The following TRPM3 variants were observed in gnomAD, a reference collection of about 807,000 sequenced individuals.
The protein encoded by TRPM3 is transient receptor potential cation channel subfamily M member 3.
In TRPM3, 77 loss-of-function variants were observed where a neutral mutation model predicts 181.2. The ratio of observed to expected loss-of-function variants is 0.42; its 90% CI spans 0.35 to 0.51. TRPM3 has a LOEUF of 0.51. TRPM3 is among the 20% of genes least tolerant of loss of function. The probability of loss-of-function intolerance (pLI) is 0.01; values close to 1 mark genes in which losing one functional copy is unlikely to be tolerated. For synonymous variants in TRPM3, 745 were observed against 796.4 expected, an observed-to-expected ratio of 0.94 and a Z score of 1.09; for missense variants, 1,759 against 2,196.7, an observed-to-expected ratio of 0.80 and a Z score of 3.98.
chr9:70,878,390 T>G (rs2095912208), intron 1 of TRPM3, among the ~76,000 whole-genome samples: 1 of 152,022 alleles, frequency 6.6e-6, no homozygotes, highest in Non-Finnish European at 1.5e-5. Context: ...AGAGCTGTAC[T>G]TACTTATTTT....
At chr9:71,347,005 G>T (rs1013687051) in intron 1 of TRPM3, among the ~76,000 whole-genome samples, 10 of 152,170 alleles carry the variant, frequency 6.6e-5, no homozygotes, top group African/African-American at 2.4e-4. Flanking sequence ...TAGGAAATCT[G>T]GTTATTAAAC....
At chr9:70,762,130 A>C (rs2135301799) in intron 7 of TRPM3, among the ~76,000 whole-genome samples, 1 of 152,290 alleles carries the variant, frequency 6.6e-6, no homozygotes, top group South Asian at 2.1e-4. Context: ...GGAGATTTAA[A>C]TTGCAGCGTC....
chr9:71,286,934 A>ATATATAATTTATTTTTTATATAAAT (rs371437300), intron 1 of TRPM3, among the ~76,000 whole-genome samples: 3 of 143,852 alleles, frequency 2.1e-5, no homozygotes, highest in African/African-American at 7.6e-5. Flanking sequence ...ATACTTTTAT[A>ATATATAATTTATTTTTTATATAAAT]TATATATAAT....
At chr9:71,155,581 C>T (rs1390233669) in intron 1 of TRPM3, among the ~76,000 whole-genome samples, 1 of 150,420 alleles carries the variant, frequency 6.6e-6, no homozygotes, top group African/African-American at 2.5e-5. Context: ...TCTTGAACTC[C>T]TGACTTTAGG....
chr9:71,208,350 A>C (rs1394364252), intron 1 of TRPM3, among the ~76,000 whole-genome samples: 1 of 152,196 alleles, frequency 6.6e-6, no homozygotes, highest in East Asian at 1.9e-4. Flanking sequence ...ATTCACAAAA[A>C]ATATCAATAA....
chr9:70,880,318 C>G (rs951945515), intron 1 of TRPM3, among the ~76,000 whole-genome samples: 1 of 152,016 alleles, frequency 6.6e-6, no homozygotes, highest in African/African-American at 2.4e-5. Flanking sequence ...ACATGTTATA[C>G]CTTCCCTTTG....
At chr9:71,230,779 G>A (rs999167375) in intron 1 of TRPM3, among the ~76,000 whole-genome samples, 1 of 152,104 alleles carries the variant, frequency 6.6e-6, no homozygotes, top group Non-Finnish European at 1.5e-5. Context: ...AATTGGCCAC[G>A]AACTGAAGAG....
chr9:71,188,028 A>C (rs982459732), intron 1 of TRPM3, among the ~76,000 whole-genome samples: 6 of 151,956 alleles, frequency 3.9e-5, no homozygotes, highest in Admixed American at 3.9e-4. Flanking sequence ...TCTTTTGATG[A>C]ACATTTAGGT....
At chr9:71,237,761 C>T (rs1194865041) in intron 1 of TRPM3, among the ~76,000 whole-genome samples, 1 of 152,118 alleles carries the variant, frequency 6.6e-6, no homozygotes. Context: ...ATTTATTTCT[C>T]ATAGTTCTGG....
At chr9:71,046,193 G>A (rs1163630591) in intron 1 of TRPM3, among the ~76,000 whole-genome samples, 1 of 152,032 alleles carries the variant, frequency 6.6e-6, no homozygotes, top group East Asian at 1.9e-4. Context: ...CACTATCCTG[G>A]TCAGGCTGGT....
intron 22 of TRPM3, among the ~76,000 whole-genome samples, chr9:70,572,411 T>C (rs2052682721): frequency 6.6e-6 from 1 of 152,200 alleles, no homozygotes; most frequent in Admixed American, 6.5e-5. Context: ...TACATTACTA[T>C]TAGCTAAACT....
At chr9:70,822,771 G>A (rs1178506465) in intron 6 of TRPM3, among the ~76,000 whole-genome samples, 2 of 151,548 alleles carry the variant, frequency 1.3e-5, no homozygotes, top group Non-Finnish European at 2.9e-5. Flanking sequence ...GTGTGTGTGT[G>A]TGTGTGTGTG....
chr9:70,667,497 G>A (rs1227352179), intron 9 of TRPM3, among the ~76,000 whole-genome samples: 1 of 152,016 alleles, frequency 6.6e-6, no homozygotes, highest in Non-Finnish European at 1.5e-5. Flanking sequence ...CAGTGTTGTG[G>A]CCCAGGTCTC....
chr9:70,622,818 T>C (rs2063822234), intron 14 of TRPM3, among the ~76,000 whole-genome samples: 1 of 152,220 alleles, frequency 6.6e-6, no homozygotes, highest in Non-Finnish European at 1.5e-5. Context: ...TGGCTATTCA[T>C]GTTAGAACAG....
At chr9:71,389,835 A>C (rs114056853) in intron 1 of TRPM3, among the ~76,000 whole-genome samples, 32 of 152,200 alleles carry the variant, frequency 2.1e-4, no homozygotes, top group African/African-American at 7.2e-4. Flanking sequence ...AGTTGAGGGG[A>C]AGAGTAGGAA....
chr9:70,754,020 G>T (rs184658727), intron 8 of TRPM3, among the ~76,000 whole-genome samples: 23 of 152,200 alleles, frequency 1.5e-4, no homozygotes, highest in African/African-American at 5.3e-4. Context: ...AGTCTAAGTG[G>T]TCCTCCTACA....
chr9:71,420,025 C>G (rs911264709), intron 1 of TRPM3, among the ~76,000 whole-genome samples: 2 of 151,886 alleles, frequency 1.3e-5, no homozygotes, highest in African/African-American at 4.8e-5. Context: ...AGTCACAGTC[C>G]AATTATACAT....
intron 1 of TRPM3, among the ~76,000 whole-genome samples, chr9:70,976,545 C>A (rs1169958736): frequency 1.3e-5 from 2 of 152,130 alleles, no homozygotes; most frequent in Non-Finnish European, 2.9e-5. Flanking sequence ...TACATGGTTC[C>A]CAGAAATTTT....
At chr9:70,956,972 T>C (rs1436668831) in intron 1 of TRPM3, among the ~76,000 whole-genome samples, 1 of 150,978 alleles carries the variant, frequency 6.6e-6, no homozygotes, top group Non-Finnish European at 1.5e-5. Flanking sequence ...TTTTTTTTTT[T>C]TTTTTTGATA....
Sources: allele counts gnomAD v4.1 joint callset (sites outside exome capture counted in the v4.1 genomes callset), GRCh38; gene constraint gnomAD v4.1.1; transcripts MANE v1.5; gene names NCBI Gene and HGNC (gene_info 2026-07-23, HGNC 2026-07-21).